LOC122539214: variants seen among roughly 807,000 people sequenced by gnomAD.
the LOC122539214 span, among the ~76,000 whole-genome samples, chr19:52,687,639 A>ATATATATATATATAATGTG: frequency 2.6e-4 from 11 of 42,152 alleles, 2 homozygotes; most frequent in African/African-American, 2.9e-3. Flanking sequence ...TAATGTATAT[A>ATATATATATATATAATGTG]TATATATATA....
the LOC122539214 span, among the ~76,000 whole-genome samples, chr19:52,688,889 G>A: frequency 2.0e-5 from 3 of 147,070 alleles, no homozygotes; most frequent in Admixed American, 1.4e-4. Flanking sequence ...AACGCTGTCC[G>A]AATAGCCAAG....
At chr19:52,674,234 A>C in the LOC122539214 span, 1 of 152,232 alleles carries the variant, frequency 6.6e-6, no homozygotes, top group African/African-American at 2.4e-5. Flanking sequence ...ACTTAGGACC[A>C]TCCTGTCATC....
the LOC122539214 span, among the ~76,000 whole-genome samples, chr19:52,660,119 CAT>C: frequency 1.4e-5 from 1 of 69,754 alleles, no homozygotes; most frequent in Admixed American, 2.2e-4. Flanking sequence ...GTGGTAAGAC[CAT>C]GGTGGTAAGA....
At chr19:52,663,787 G>A in the LOC122539214 span, among the ~76,000 whole-genome samples, 1 of 152,126 alleles carries the variant, frequency 6.6e-6, no homozygotes, top group Non-Finnish European at 1.5e-5. Flanking sequence ...TGAAATGTGA[G>A]GTCAAAGAAG....
the LOC122539214 span, among the ~76,000 whole-genome samples, chr19:52,684,214 TA>T: frequency 1.3e-5 from 2 of 151,822 alleles, no homozygotes; most frequent in East Asian, 3.9e-4. Flanking sequence ...ACTAAAAACA[TA>T]AAAAGTAGCC....
the LOC122539214 span, among the ~76,000 whole-genome samples, chr19:52,679,586 G>A: frequency 6.6e-6 from 1 of 152,178 alleles, no homozygotes; most frequent in African/African-American, 2.4e-5. Context: ...ACTCCAGCAT[G>A]GGTGACAGAG....
chr19:52,687,421 TAAATTATAA>T, the LOC122539214 span, among the ~76,000 whole-genome samples: 1 of 56,240 alleles, frequency 1.8e-5, no homozygotes, highest in Non-Finnish European at 3.4e-5. Context: ...AATTATAATA[TAAATTATAA>T]TTTATATAGC....
the LOC122539214 span, among the ~76,000 whole-genome samples, chr19:52,687,614 G>GTATATA: frequency 2.6e-4 from 3 of 11,626 alleles, 1 homozygote; most frequent in African/African-American, 3.1e-3. Context: ...TATATATAAT[G>GTATATA]TGTATATATA....
chr19:52,674,470 GAAAT>G, the LOC122539214 span, among the ~76,000 whole-genome samples: 9 of 152,052 alleles, frequency 5.9e-5, no homozygotes, highest in African/African-American at 2.2e-4. Flanking sequence ...AAATCAGAAA[GAAAT>G]AAATAAAATT....
chr19:52,681,687 G>A, the LOC122539214 span, among the ~76,000 whole-genome samples: 1 of 152,260 alleles, frequency 6.6e-6, no homozygotes, highest in East Asian at 1.9e-4. Flanking sequence ...ATTCAGATTT[G>A]AATATAACCA....
chr19:52,655,486 AAG>A, the LOC122539214 span: 2 of 1,322,362 alleles, frequency 1.5e-6, no homozygotes, highest in Non-Finnish European at 1.1e-6. Flanking sequence ...AAAATCACAA[AAG>A]AGAATACAAA....
the LOC122539214 span, among the ~76,000 whole-genome samples, chr19:52,681,581 T>C: frequency 6.6e-6 from 1 of 152,208 alleles, no homozygotes; most frequent in African/African-American, 2.4e-5. Context: ...AAGAAAGATC[T>C]GTACTTGGAG....
chr19:52,680,050 A>G, the LOC122539214 span, among the ~76,000 whole-genome samples: 21,969 of 152,152 alleles, frequency 0.14, 1,738 homozygotes, highest in African/African-American at 0.19. Flanking sequence ...GTAGTGGCAC[A>G]TGCTGGTAAT....
the LOC122539214 span, among the ~76,000 whole-genome samples, chr19:52,677,584 C>T: frequency 6.6e-6 from 1 of 152,022 alleles, no homozygotes; most frequent in Non-Finnish European, 1.5e-5. Flanking sequence ...CTCTGATTTC[C>T]AGTGTCAAAT....
the LOC122539214 span, chr19:52,653,004 CTGATGT>C: frequency 1.2e-5 from 17 of 1,387,584 alleles, no homozygotes; most frequent in East Asian, 4.0e-4. Context: ...TATGAACTCT[CTGATGT>C]TGTGCAAGGT....
the LOC122539214 span, chr19:52,651,988 A>G: frequency 1.0e-5 from 2 of 192,878 alleles, no homozygotes; most frequent in African/African-American, 4.8e-5. Flanking sequence ...GTCATTTTCT[A>G]TAGTCATTGT....
At chr19:52,685,867 C>G in the LOC122539214 span, among the ~76,000 whole-genome samples, 1 of 148,126 alleles carries the variant, frequency 6.8e-6, no homozygotes, top group Admixed American at 6.9e-5. Flanking sequence ...CATTGCACTT[C>G]CAGCCTGGGG....
At chr19:52,680,823 A>T in the LOC122539214 span, among the ~76,000 whole-genome samples, 1 of 150,160 alleles carries the variant, frequency 6.7e-6, no homozygotes. Context: ...CGTGTTAGCC[A>T]GGATGGTCTC....
At chr19:52,674,045 A>G in the LOC122539214 span, 1 of 151,604 alleles carries the variant, frequency 6.6e-6, no homozygotes, top group African/African-American at 2.4e-5. Flanking sequence ...AAAATTACCA[A>G]TGTCAACTGA....
Sources: gnomAD v4.1 joint callset for allele counts (sites outside exome capture counted in the v4.1 genomes callset) on GRCh38, gnomAD v4.1.1 for gene constraint, MANE v1.5 for transcripts.